Variants in FCHSD2 observed in about 807,000 individuals in gnomAD.
FCHSD2 encodes FCH and double SH3 domains 2, also known as F-BAR and double SH3 domains protein 2.
In FCHSD2, 38 loss-of-function variants were observed where a neutral mutation model predicts 108.1. That is an observed-to-expected ratio of 0.35 (90% CI 0.27 to 0.46). The LOEUF (loss-of-function observed/expected upper bound fraction) is 0.46, where lower values mean the gene tolerates loss of function less well. Ranked by LOEUF, FCHSD2 falls within the 20% of genes least tolerant of loss-of-function variation. FCHSD2 has a pLI of 1.00. For missense variants in FCHSD2, 751 were observed against 897.8 expected (o/e 0.84, Z 2.09); for synonymous variants, 279 against 314.7 (o/e 0.89, Z 1.20).
chr11:73,103,966 C>T (rs1860281563), intron 2 of FCHSD2, among the ~76,000 whole-genome samples: 1 of 152,208 alleles, frequency 6.6e-6, no homozygotes, highest in African/African-American at 2.4e-5. Flanking sequence ...GCCTAACGTC[C>T]TAATAAATAT....
intron 3 of FCHSD2, among the ~76,000 whole-genome samples, chr11:73,039,103 GT>G (rs1386010264): frequency 6.6e-6 from 1 of 152,128 alleles, no homozygotes; most frequent in African/African-American, 2.4e-5. Flanking sequence ...TCTGCAACCA[GT>G]TTCAAACTGG....
At chr11:72,976,185 A>T (rs537466573) in intron 8 of FCHSD2, among the ~76,000 whole-genome samples, 2 of 152,358 alleles carry the variant, frequency 1.3e-5, no homozygotes, top group Admixed American at 6.5e-5. Flanking sequence ...ACAGAGAAAG[A>T]TATATTCAGT....
At chr11:72,893,444 T>C (rs1004008093) in intron 10 of FCHSD2, among the ~76,000 whole-genome samples, 1 of 152,056 alleles carries the variant, frequency 6.6e-6, no homozygotes, top group African/African-American at 2.4e-5. Flanking sequence ...GCATCCCAAG[T>C]AGCTGAGACC....
At chr11:72,914,850 A>G (rs980074267) in intron 9 of FCHSD2, among the ~76,000 whole-genome samples, 1 of 152,230 alleles carries the variant, frequency 6.6e-6, no homozygotes, top group Non-Finnish European at 1.5e-5. Context: ...GAAGATGCCA[A>G]AAGCAATTGC....
chr11:72,970,737 G>T (rs1420877590), intron 8 of FCHSD2, among the ~76,000 whole-genome samples: 1 of 152,162 alleles, frequency 6.6e-6, no homozygotes, highest in Non-Finnish European at 1.5e-5. Context: ...CTTCTATGAA[G>T]AAAAGACTTC....
intron 2 of FCHSD2, among the ~76,000 whole-genome samples, chr11:73,117,954 C>T (rs935536465): frequency 1.3e-5 from 2 of 152,126 alleles, no homozygotes; most frequent in African/African-American, 4.8e-5. Flanking sequence ...ATCATATGCA[C>T]ACATATTATA....
intron 9 of FCHSD2, among the ~76,000 whole-genome samples, chr11:72,918,132 C>T (rs371381983): frequency 2.0e-5 from 3 of 151,894 alleles, no homozygotes; most frequent in East Asian, 1.9e-4. Context: ...AAGTTTATTC[C>T]TAGATAGTTT....
intron 3 of FCHSD2, 55 bp downstream of exon 3, chr11:73,083,640 C>T: frequency 8.9e-7 from 1 of 1,122,398 alleles, no homozygotes; most frequent in Non-Finnish European, 1.3e-6. Context: ...CATCTCTGTC[C>T]TTAAGCCACG....
intron 8 of FCHSD2, among the ~76,000 whole-genome samples, chr11:72,926,129 G>A (rs1359257583): frequency 2.0e-5 from 3 of 152,206 alleles, no homozygotes; most frequent in Non-Finnish European, 1.5e-5. Flanking sequence ...GGGAGGCAGA[G>A]TCCTGGGCAG....
At chr11:73,059,692 A>G (rs886801135) in intron 3 of FCHSD2, among the ~76,000 whole-genome samples, 1 of 152,204 alleles carries the variant, frequency 6.6e-6, no homozygotes, top group African/African-American at 2.4e-5. Flanking sequence ...AATGAATTTT[A>G]CTAAAAATTT....
At chr11:72,883,416 ACT>A (rs1352531661) in intron 12 of FCHSD2, among the ~76,000 whole-genome samples, 1 of 152,254 alleles carries the variant, frequency 6.6e-6, no homozygotes, top group Admixed American at 6.5e-5. Flanking sequence ...CTAAAAAATG[ACT>A]AGTATCCAGA....
chr11:73,111,981 T>C (rs1251268290), intron 2 of FCHSD2, among the ~76,000 whole-genome samples: 2 of 152,224 alleles, frequency 1.3e-5, no homozygotes, highest in African/African-American at 2.4e-5. Flanking sequence ...TAGTTAATAT[T>C]TTTAATTTGT....
intron 5 of FCHSD2, among the ~76,000 whole-genome samples, chr11:72,989,761 C>T (rs563246812): frequency 6.6e-6 from 1 of 152,192 alleles, no homozygotes; most frequent in Non-Finnish European, 1.5e-5. Flanking sequence ...GCCTCAGGAC[C>T]TTTCTGAGTA....
chr11:72,852,129 T>A (rs1276065407), intron 13 of FCHSD2, among the ~76,000 whole-genome samples: 2 of 152,118 alleles, frequency 1.3e-5, no homozygotes, highest in South Asian at 4.1e-4. Flanking sequence ...GTTCAAGTGA[T>A]CCTCCCGCCT....
At chr11:72,868,154 A>G (rs1456318176) in intron 12 of FCHSD2, 128 bp from the exon 13 acceptor site, 1 of 782,050 alleles carries the variant, frequency 1.3e-6, no homozygotes, top group Non-Finnish European at 2.0e-6. Flanking sequence ...TACACCATGG[A>G]ATACTATGCA....
intron 3 of FCHSD2, among the ~76,000 whole-genome samples, chr11:73,029,567 A>G (rs1858311298): frequency 6.6e-6 from 1 of 152,116 alleles, no homozygotes; most frequent in South Asian, 2.1e-4. Context: ...ATGGGACCCT[A>G]TCTTGTGCTA....
chr11:72,931,098 T>G (rs1169602847), intron 8 of FCHSD2, among the ~76,000 whole-genome samples: 2 of 28 alleles, frequency 0.071, no homozygotes, highest in Non-Finnish European at 0.2. Flanking sequence ...ATAATTAAAT[T>G]TTTTTTTTTT....
chr11:72,839,710 T>A (rs1173803483), intron 19 of FCHSD2, among the ~76,000 whole-genome samples: 1 of 152,038 alleles, frequency 6.6e-6, no homozygotes, highest in Admixed American at 6.6e-5. Context: ...CATAACTCAT[T>A]TTTGCTGAGT....
intron 8 of FCHSD2, among the ~76,000 whole-genome samples, chr11:72,977,027 C>A (rs1050742132): frequency 3.3e-5 from 5 of 151,598 alleles, no homozygotes; most frequent in Non-Finnish European, 7.4e-5. Flanking sequence ...CCGGTTCAAG[C>A]GATTCTCCTG....
Sources: gnomAD v4.1 joint callset for allele counts (sites outside exome capture counted in the v4.1 genomes callset) on GRCh38, gnomAD v4.1.1 for gene constraint, MANE v1.5 for transcripts, NCBI Gene and HGNC (gene_info 2026-07-23, HGNC 2026-07-21) for gene names.